Variants in UBE2D1 observed in about 807,000 individuals in gnomAD.
UBE2D1 encodes ubiquitin-conjugating enzyme E2 D1.
Under a neutral mutation model 24.6 loss-of-function variants are expected in UBE2D1, and 9 were observed. The ratio of observed to expected loss-of-function variants is 0.37; its 90% confidence interval spans 0.22 to 0.64. The LOEUF is 0.64. Among genes scored for constraint, UBE2D1 ranks in the 30% least tolerant of loss-of-function variants. The pLI, the probability that UBE2D1 is intolerant of heterozygous loss-of-function variation, is 0.64. For synonymous variants in UBE2D1, 57 were observed against 57.6 expected (o/e 0.99, Z 0.04); for missense variants, 87 against 177.1 (o/e 0.49, Z 2.89).
chr10:58,349,902 C>G (rs1419321734), intron 1 of UBE2D1, among the ~76,000 whole-genome samples: 2 of 152,140 alleles, frequency 1.3e-5, no homozygotes, highest in Admixed American at 6.5e-5. Flanking sequence ...GGGAATCATA[C>G]AGTATGTATC....
chr10:58,364,729 C>A, intron 4 of UBE2D1, 42 bp from the exon 5 acceptor site: 3 of 1,456,902 alleles, frequency 2.1e-6, no homozygotes, highest in South Asian at 2.3e-5. Context: ...ATAGTTGATT[C>A]AAAGGTGATT....
chr10:58,350,383 GAT>G (rs765574827), intron 1 of UBE2D1, among the ~76,000 whole-genome samples: 1 of 106,986 alleles, frequency 9.3e-6, no homozygotes, highest in East Asian at 2.7e-4. Flanking sequence ...AGCCCCTTCT[GAT>G]ATATATATAT....
chr10:58,337,085 C>T (rs745887118), intron 1 of UBE2D1, among the ~76,000 whole-genome samples: 7 of 151,920 alleles, frequency 4.6e-5, no homozygotes, highest in Non-Finnish European at 5.9e-5. Flanking sequence ...TATAATATGG[C>T]GTGTGTCCAA....
At chr10:58,338,087 T>C (rs931126478) in intron 1 of UBE2D1, among the ~76,000 whole-genome samples, 1 of 152,060 alleles carries the variant, frequency 6.6e-6, no homozygotes, top group Non-Finnish European at 1.5e-5. Flanking sequence ...GCTCAGGCAA[T>C]CCACCTACCT....
chr10:58,340,451 A>G (rs1839950441), intron 1 of UBE2D1, among the ~76,000 whole-genome samples: 2 of 152,176 alleles, frequency 1.3e-5, no homozygotes, highest in Non-Finnish European at 1.5e-5. Flanking sequence ...CCATAATTTA[A>G]TATCAGTAAT....
chr10:58,345,231 G>C (rs1480308324), intron 1 of UBE2D1, among the ~76,000 whole-genome samples: 1 of 152,080 alleles, frequency 6.6e-6, no homozygotes, highest in Non-Finnish European at 1.5e-5. Context: ...AGAACTTTGG[G>C]AGACCGAGGC....
chr10:58,367,841 T>G (rs2132335285), intron 5 of UBE2D1, 82 bp from the exon 6 acceptor site: 2 of 875,884 alleles, frequency 2.3e-6, no homozygotes, highest in Non-Finnish European at 3.6e-6. Flanking sequence ...AGTATCTATA[T>G]TCACTAAAAT....
intron 1 of UBE2D1, among the ~76,000 whole-genome samples, chr10:58,339,767 T>C (rs547054155): frequency 6.6e-6 from 1 of 152,036 alleles, no homozygotes. Context: ...CCTTTTTTTT[T>C]TTTTCAGTCT....
At chr10:58,358,351 T>C (rs1840156227) in intron 1 of UBE2D1, among the ~76,000 whole-genome samples, 1 of 152,186 alleles carries the variant, frequency 6.6e-6, no homozygotes, top group Non-Finnish European at 1.5e-5. Context: ...GATGAATAAT[T>C]ACAGAGGCAA....
chr10:58,357,105 G>A (rs185654891), intron 1 of UBE2D1, among the ~76,000 whole-genome samples: 8 of 152,288 alleles, frequency 5.3e-5, no homozygotes, highest in East Asian at 1.9e-4. Flanking sequence ...TTCTATTAGA[G>A]TGAGGAATGT....
chr10:58,351,721 T>C (rs1388568423), intron 1 of UBE2D1, among the ~76,000 whole-genome samples: 1 of 152,178 alleles, frequency 6.6e-6, no homozygotes, highest in Non-Finnish European at 1.5e-5. Context: ...ACCAGTAACA[T>C]AGTTGTGGAT....
At chr10:58,348,115 G>T (rs1029576233) in intron 1 of UBE2D1, among the ~76,000 whole-genome samples, 4 of 152,190 alleles carry the variant, frequency 2.6e-5, no homozygotes, top group Non-Finnish European at 5.9e-5. Context: ...CAGCAAAGCA[G>T]ATAGGACCAG....
chr10:58,344,593 A>G (rs1839996388), intron 1 of UBE2D1, among the ~76,000 whole-genome samples: 1 of 152,170 alleles, frequency 6.6e-6, no homozygotes, highest in Non-Finnish European at 1.5e-5. Context: ...GACTTGACTT[A>G]AAATTCCATT....
At chr10:58,336,853 G>T (rs973377610) in intron 1 of UBE2D1, among the ~76,000 whole-genome samples, 8 of 152,090 alleles carry the variant, frequency 5.3e-5, no homozygotes, top group Non-Finnish European at 1.2e-4. Context: ...TTTTTTAAGA[G>T]ATGGGGATCT....
chr10:58,363,512 G>C (rs1240760605), intron 3 of UBE2D1, 97 bp from the exon 4 acceptor site: 4 of 774,446 alleles, frequency 5.2e-6, no homozygotes, highest in East Asian at 6.0e-5. Flanking sequence ...AAACATGATG[G>C]CATTTTTTTC....
chr10:58,337,514 A>G (rs1263393564), intron 1 of UBE2D1, among the ~76,000 whole-genome samples: 1 of 152,192 alleles, frequency 6.6e-6, no homozygotes, highest in Non-Finnish European at 1.5e-5. Context: ...GAAGATGTAT[A>G]CTAACTTTTG....
In UBE2D1 at chr10:58,363,680, A is replaced by G; in HGVS notation, c.192A>G (p.Pro64=). 1 of 1,606,904 alleles carries G rather than the reference A, an allele frequency of 6.2e-7. No homozygotes were observed. Among genetic ancestry groups the G allele is most frequent in the South Asian group, 1.1e-5 (1 of 90,064 alleles). Residue 64 remains proline (P), a synonymous_variant, in exon 4 of 7, where the codon CCA becomes CCG. Transcript: ENST00000373910. ...VHFPTDYPFK[P]PKIAFTTKIY... ...TTCCGACAGATTATCCTTTTAAACC[A>G]CCAAAGGTATTTTTATTTTTATGAT... is the stretch of plus-strand genomic sequence containing the variant.
intron 1 of UBE2D1, among the ~76,000 whole-genome samples, chr10:58,353,807 A>T (rs181883832): frequency 1.2e-4 from 18 of 152,320 alleles, no homozygotes; most frequent in East Asian, 1.2e-3. Context: ...CTGCATATCT[A>T]TATAAAAGAA....
intron 1 of UBE2D1, among the ~76,000 whole-genome samples, chr10:58,351,991 A>C (rs1840082044): frequency 6.6e-6 from 1 of 152,006 alleles, no homozygotes; most frequent in African/African-American, 2.4e-5. Context: ...AGGTAGGGGG[A>C]TCAAGGTTGT....
Sources: allele counts gnomAD v4.1 joint callset (sites outside exome capture counted in the v4.1 genomes callset), GRCh38; gene constraint gnomAD v4.1.1; transcripts MANE v1.5; gene names NCBI Gene and HGNC (gene_info 2026-07-23, HGNC 2026-07-21).